Variants in ARHGAP15 observed in about 807,000 individuals in gnomAD.
The protein encoded by ARHGAP15 is Rho GTPase activating protein 15, also known as rho GTPase-activating protein 15.
A neutral mutation model predicts 63.7 loss-of-function variants in ARHGAP15; 51 were observed. That is an observed-to-expected ratio of 0.80 (90% CI 0.64 to 1.01). The LOEUF (loss-of-function observed/expected upper bound fraction) is 1.01. ARHGAP15 is among the 50% of genes least tolerant of loss of function. The pLI, the probability that ARHGAP15 is intolerant of heterozygous loss-of-function variation, is 0.00. For synonymous variants in ARHGAP15, 191 were observed against 193.8 expected, an observed-to-expected ratio of 0.99 and a Z score of 0.12; for missense variants, 560 against 564.6, an observed-to-expected ratio of 0.99 and a Z score of 0.08.
intron 11 of ARHGAP15, among the ~76,000 whole-genome samples, chr2:143,576,785 G>A (rs1279498933): frequency 6.6e-6 from 1 of 152,036 alleles, no homozygotes; most frequent in African/African-American, 2.4e-5. Flanking sequence ...TTCACCCACT[G>A]ACTAAATTTC....
chr2:143,470,643 G>A (rs1367659184), intron 8 of ARHGAP15, among the ~76,000 whole-genome samples: 1 of 135,568 alleles, frequency 7.4e-6, no homozygotes, highest in African/African-American at 2.5e-5. Context: ...GTGTATATAT[G>A]TGTGTGTATA....
intron 1 of ARHGAP15, among the ~76,000 whole-genome samples, chr2:143,142,490 A>AT (rs1018243487): frequency 1.2e-4 from 19 of 152,018 alleles, no homozygotes; most frequent in Non-Finnish European, 2.2e-4. Flanking sequence ...TCCCCAAAGC[A>AT]TTTTTTTAAA....
At chr2:143,641,297 A>G (rs1164196620) in intron 12 of ARHGAP15, 3 of 152,024 alleles carry the variant, frequency 2.0e-5, no homozygotes, top group Non-Finnish European at 4.4e-5. Context: ...AAAAAAACAA[A>G]CTGTGTATTC....
intron 11 of ARHGAP15, among the ~76,000 whole-genome samples, chr2:143,578,236 C>A (rs1475558957): frequency 1.3e-5 from 2 of 151,164 alleles, no homozygotes; most frequent in Admixed American, 1.3e-4. Context: ...GTTTTAGGAG[C>A]AAAAACCACA....
At chr2:143,369,198 A>G (rs1182122481) in intron 6 of ARHGAP15, among the ~76,000 whole-genome samples, 12 of 152,168 alleles carry the variant, frequency 7.9e-5, no homozygotes, top group Non-Finnish European at 1.5e-4. Context: ...AACTATGTTC[A>G]TAGTATATTG....
chr2:143,629,153 G>A (rs992779083), intron 12 of ARHGAP15, among the ~76,000 whole-genome samples: 1 of 148,930 alleles, frequency 6.7e-6, no homozygotes, highest in Non-Finnish European at 1.5e-5. Context: ...TGAACAGAAG[G>A]CATTTACTTT....
intron 11 of ARHGAP15, among the ~76,000 whole-genome samples, chr2:143,575,579 A>G (rs1344986212): frequency 1.3e-5 from 2 of 152,156 alleles, no homozygotes; most frequent in East Asian, 3.8e-4. Flanking sequence ...AGCATGGTGC[A>G]TGTGTTTAAA....
At chr2:143,569,086 G>A (rs892256824) in intron 11 of ARHGAP15, among the ~76,000 whole-genome samples, 2 of 152,074 alleles carry the variant, frequency 1.3e-5, no homozygotes, top group Non-Finnish European at 2.9e-5. Flanking sequence ...TGGGTGCAGT[G>A]AGCCAGCATG....
chr2:143,572,049 G>C (rs1178414819), intron 11 of ARHGAP15: 1 of 152,124 alleles, frequency 6.6e-6, no homozygotes, highest in Non-Finnish European at 1.5e-5. Flanking sequence ...TTTCAGTACT[G>C]GTTTTAGTCT....
At chr2:143,262,827 C>T (rs1015961088) in intron 6 of ARHGAP15, among the ~76,000 whole-genome samples, 3 of 152,058 alleles carry the variant, frequency 2.0e-5, no homozygotes, top group Admixed American at 6.6e-5. Flanking sequence ...ACTTACTAAT[C>T]CCTGTTAGAA....
At chr2:143,147,567 G>A (rs1238614928) in intron 1 of ARHGAP15, among the ~76,000 whole-genome samples, 2 of 151,902 alleles carry the variant, frequency 1.3e-5, no homozygotes, top group Non-Finnish European at 2.9e-5. Flanking sequence ...TTTACTACCT[G>A]CCTGATCATC....
intron 1 of ARHGAP15, among the ~76,000 whole-genome samples, chr2:143,134,145 ATCTATCTACCTATCTATCT>A (rs1558765497): frequency 0.059 from 1,906 of 32,126 alleles, 23 homozygotes; most frequent in Non-Finnish European, 0.13. Context: ...CTATCTATCT[ATCTATCTACCTATCTATCT>A]ATCATCTATC....
chr2:143,376,856 A>T (rs1366113337), intron 6 of ARHGAP15, among the ~76,000 whole-genome samples: 1 of 152,098 alleles, frequency 6.6e-6, no homozygotes, highest in African/African-American at 2.4e-5. Flanking sequence ...CACAAAACAT[A>T]CTTTTTCCAC....
intron 10 of ARHGAP15, among the ~76,000 whole-genome samples, chr2:143,539,820 T>C (rs1338666576): frequency 6.6e-6 from 1 of 152,072 alleles, no homozygotes; most frequent in African/African-American, 2.4e-5. Flanking sequence ...AATTTTGGAA[T>C]AGGAGTGGTG....
chr2:143,168,656 T>C (rs1161775650), intron 2 of ARHGAP15, among the ~76,000 whole-genome samples: 2 of 150,170 alleles, frequency 1.3e-5, no homozygotes, highest in African/African-American at 4.8e-5. Flanking sequence ...TTCTGAAAAC[T>C]TGAAGAGACG....
chr2:143,385,559 G>A (rs1366455716), intron 6 of ARHGAP15, among the ~76,000 whole-genome samples: 1 of 152,048 alleles, frequency 6.6e-6, no homozygotes, highest in African/African-American at 2.4e-5. Flanking sequence ...ATGTATTCAA[G>A]ATGTGTCTCC....
chr2:143,712,489 G>C (rs995887643), intron 13 of ARHGAP15, among the ~76,000 whole-genome samples: 3 of 152,090 alleles, frequency 2.0e-5, no homozygotes, highest in Admixed American at 6.6e-5. Context: ...ATGGCAATGG[G>C]GTAAGGTCAT....
chr2:143,436,626 T>A (rs1296593099), intron 7 of ARHGAP15, among the ~76,000 whole-genome samples: 1 of 152,164 alleles, frequency 6.6e-6, no homozygotes, highest in Non-Finnish European at 1.5e-5. Flanking sequence ...TATTTTGGCC[T>A]CATTTTCTTA....
intron 11 of ARHGAP15, among the ~76,000 whole-genome samples, chr2:143,598,691 A>G (rs1289790614): frequency 6.6e-6 from 1 of 152,126 alleles, no homozygotes; most frequent in African/African-American, 2.4e-5. Context: ...GGGTCACTTG[A>G]AGCCAGGAGT....
Sources: gnomAD v4.1 joint callset for allele counts (sites outside exome capture counted in the v4.1 genomes callset) on GRCh38, gnomAD v4.1.1 for gene constraint, MANE v1.5 for transcripts, NCBI Gene and HGNC (gene_info 2026-07-23, HGNC 2026-07-21) for gene names.